Variants in HECTD4 observed in about 807,000 individuals in gnomAD.
The protein encoded by HECTD4 is probable E3 ubiquitin-protein ligase HECTD4.
Under a neutral mutation model 471.5 loss-of-function variants are expected in HECTD4, and 114 were observed. The ratio of observed to expected loss-of-function variants is 0.24; its 90% CI spans 0.21 to 0.28. The LOEUF (loss-of-function observed/expected upper bound fraction) is 0.28, where lower values mean the gene tolerates loss of function less well. HECTD4 is among the 10% of genes least tolerant of loss of function. The pLI is 1.00. For missense variants in HECTD4, 3,866 were observed against 5,651.5 expected, an observed-to-expected ratio of 0.68 and a Z score of 10.13; for synonymous variants, 2,012 against 2,256.0, an observed-to-expected ratio of 0.89 and a Z score of 3.07.
In HECTD4 at chr12:112,314,546, C is replaced by T. The variant is rs1430792808; in HGVS notation, c.696G>A (p.Arg232=). 6.8e-7 allele frequency: 1 copy of T among 1,478,602 alleles called. No homozygotes were observed. Among genetic ancestry groups the T allele is most frequent in the Admixed American group, 2.0e-5 (1 of 50,808 alleles). 91.6% of individuals were successfully genotyped at this position (1,478,602 alleles called of 1,614,324 possible). ...AAALVALACA[R]GSLKTFVHTV... is the part of the protein sequence containing the mutation. ...TGTGGACGAAAGTTTTCAATGATCCCCTAAAAATAAAAGGAAGGAACAGTA... is the reference window on the plus strand; with the variant it reads ...TGTGGACGAAAGTTTTCAATGATCCTCTAAAAATAAAAGGAAGGAACAGTA... Residue 232 remains arginine (R), a splice_region_variant and synonymous_variant, in exon 3 of 76, where the codon AGG becomes AGA. Coordinates refer to ENST00000682272, the MANE Select transcript of HECTD4 (RefSeq NM_001388303.1).
intron 1 of HECTD4, among the ~76,000 whole-genome samples, chr12:112,342,981 C>G (rs1296095792): frequency 6.6e-6 from 1 of 152,192 alleles, no homozygotes; most frequent in Non-Finnish European, 1.5e-5. Flanking sequence ...ATGTAATTTA[C>G]AACACTCTGT....
intron 70 of HECTD4, among the ~76,000 whole-genome samples, 174 bp downstream of exon 70, chr12:112,169,329 G>A (rs973979913): frequency 2.0e-5 from 3 of 152,140 alleles, no homozygotes; most frequent in East Asian, 1.9e-4. Flanking sequence ...TCCACAGGGG[G>A]CTGGTCTGGA....
At chr12:112,294,962 T>C (rs889741588) in intron 7 of HECTD4, among the ~76,000 whole-genome samples, 3 of 152,070 alleles carry the variant, frequency 2.0e-5, no homozygotes, top group African/African-American at 7.2e-5. Context: ...AATTAATTAA[T>C]TCATTCATTT....
At chr12:112,226,959 T>C in intron 43 of HECTD4, 1 of 455,160 alleles carries the variant, frequency 2.2e-6, no homozygotes, top group South Asian at 4.7e-5. Context: ...CAGTAACTGC[T>C]GACACTGCAT....
intron 60 of HECTD4, among the ~76,000 whole-genome samples, chr12:112,186,976 C>A (rs1386586926): frequency 6.7e-6 from 1 of 149,158 alleles, no homozygotes; most frequent in African/African-American, 2.5e-5. Flanking sequence ...CCAAGGCTGG[C>A]ATATTCTTTT....
At chr12:112,352,954 G>A (rs1423291182) in intron 1 of HECTD4, among the ~76,000 whole-genome samples, 4 of 152,298 alleles carry the variant, frequency 2.6e-5, no homozygotes, top group Non-Finnish European at 4.4e-5. Context: ...GGCTTGTGAT[G>A]AGACCTTGTC....
chr12:112,246,973 A>G lies in HECTD4; in HGVS notation c.4441T>C (p.Leu1481=), dbSNP rs753583556. The G allele has an allele frequency of 1.2e-6, 2 of 1,612,282 alleles. No homozygotes were observed. Among genetic ancestry groups the G allele is most frequent in the East Asian group, 2.2e-5 (1 of 44,888 alleles). The change falls in exon 29 of 76, where the codon TTG becomes CTG. Residue 1481 remains leucine (L), a synonymous_variant. Transcript: ENST00000682272. The stretch of plus-strand genomic sequence containing the variant: ...TGGGCTGCGATGGTGACATGCAGCA[A>G]CAGCTCGGCTCGGTTCATTAAACTC... The part of the protein sequence containing the change: ...VKSLMNRAEL[L]LHVTIAAQSG...
chr12:112,266,095 A>G, intron 14 of HECTD4, 112 bp from the exon 15 acceptor site: 1 of 692,818 alleles, frequency 1.4e-6, no homozygotes, highest in South Asian at 1.9e-5. Flanking sequence ...GGGGCACCAG[A>G]CATACGGACT....
chr12:112,250,880 A>G, intron 24 of HECTD4, 91 bp downstream of exon 24: 1 of 1,305,618 alleles, frequency 7.7e-7, no homozygotes, highest in Non-Finnish European at 1.0e-6. Flanking sequence ...AGTAGGCACA[A>G]TCACCTGGGA....
chr12:112,243,981 C>T lies in HECTD4; in HGVS notation c.4542G>A (p.Val1514=). ...CAGGCTGCCTGACAGCGTGAGATAT[C>T]ACTTTTGTTTCAGAAGCTGATTTAC... is the stretch of plus-strand genomic sequence containing the variant. The part of the protein sequence containing the change: ...PACKSASETK[V]ISHAVRQPVF... The change falls in exon 30 of 76, where the codon GTG becomes GTA. Residue 1514 remains valine (V), a synonymous_variant. Transcript: ENST00000682272. The surrounding 1 kb of genome is among the most constrained non-coding windows in gnomAD (Gnocchi z 6.6). The T allele has an allele frequency of 1.2e-6, 2 of 1,613,956 alleles. No homozygotes were observed. Among genetic ancestry groups the T allele is most frequent in the Non-Finnish European group, 1.7e-6 (2 of 1,179,874 alleles).
In HECTD4 at chr12:112,184,852, G is replaced by A. The variant is rs1457415062; in HGVS notation, c.10114C>T (p.Pro3372Ser). The A allele has an allele frequency of 6.2e-7, 1 of 1,607,304 alleles. No individual in the cohort carries two copies. Among genetic ancestry groups the A allele is most frequent in the Non-Finnish European group, 8.5e-7 (1 of 1,175,290 alleles). ...TCACTCGTCACGCCCAGCCCCTGTG[G>A]GTCCTTCCTGGTGAGGTGGCGGAGG... Reference protein sequence around the residue: ...IILRHLTRKDPQGLGVTSDAI... With the variant: ...IILRHLTRKDSQGLGVTSDAI... The change falls in exon 61 of 76, where the codon CCA (proline) becomes TCA (serine). Residue 3372 changes from proline to serine, a missense_variant. Physicochemically the swap from Pro to Ser is moderately conservative, Grantham distance 74. Transcript: ENST00000682272. The surrounding 1 kb of genome is among the most constrained non-coding windows in gnomAD (Gnocchi z 9.1).
Position 112,319,492 on chromosome 12 carries a change from G to A in HECTD4, c.428C>T (p.Ser143Leu), listed in dbSNP as rs2035544982. 1.3e-6 allele frequency: 2 copies of A among 1,503,234 alleles called. No individual in the cohort carries two copies. Among genetic ancestry groups the A allele is most frequent in the Non-Finnish European group, 1.8e-6 (2 of 1,129,518 alleles). The allele number at this position is 1,503,234 out of a possible 1,614,324, so 93.1% of individuals were successfully genotyped here. A position where few individuals can be genotyped will look rare whatever the true frequency, so the allele number is the denominator to read the frequency against. ...LQQPEQAPFT[S>L]RMGLLLVFPL... ...GAAGACCAGCAGGAGCCCCATCCTC[G>A]ATGTGAAGGGCGCTTGCTCAGGTTG... Residue 143 changes from serine to leucine, a missense_variant, in exon 2 of 76, where the codon TCG becomes TTG. Physicochemically the swap from Ser to Leu is moderately radical, Grantham distance 145 (BLOSUM62 -2). Coordinates refer to ENST00000682272, the MANE Select transcript of HECTD4 (RefSeq NM_001388303.1). This position sits in a 1 kb window ranked among gnomAD's most constrained non-coding sequence, Gnocchi z 5.3.
chr12:112,297,871 T>G (rs1228039384), intron 7 of HECTD4, among the ~76,000 whole-genome samples: 2 of 152,036 alleles, frequency 1.3e-5, no homozygotes, highest in Non-Finnish European at 2.9e-5. Flanking sequence ...GGAGATCAAC[T>G]AAGAAGTTAA....
At chr12:112,282,775 G>A (rs574838101) in intron 8 of HECTD4, among the ~76,000 whole-genome samples, 1 of 152,306 alleles carries the variant, frequency 6.6e-6, no homozygotes, top group African/African-American at 2.4e-5. Context: ...GGTCAAGACT[G>A]TATTTAGGGA....
At chr12:112,379,041 C>CAA (rs927070584) in intron 1 of HECTD4, among the ~76,000 whole-genome samples, 2 of 133,424 alleles carry the variant, frequency 1.5e-5, no homozygotes, top group Non-Finnish European at 3.2e-5. Context: ...GACTCCGTCT[C>CAA]AAAAAAAAAA....
intron 1 of HECTD4, among the ~76,000 whole-genome samples, chr12:112,365,781 T>G (rs1474817234): frequency 2.3e-4 from 34 of 148,864 alleles, no homozygotes; most frequent in African/African-American, 6.4e-4. Flanking sequence ...TGTTTTTTTT[T>G]TTTTTTTTGA....
chr12:112,195,051 G>A lies in HECTD4; in HGVS notation c.8583C>T (p.Cys2861=), dbSNP rs377415753. The A allele has an allele frequency of 4.4e-5, 71 of 1,599,534 alleles. No individual in the cohort carries two copies. The highest frequency in any genetic ancestry group is 5.3e-5 in the Non-Finnish European group (62 of 1,173,668). The change falls in exon 56 of 76, where the codon TGC becomes TGT. Residue 2861 remains cysteine (C), a synonymous_variant. Coordinates refer to ENST00000682272, the MANE Select transcript of HECTD4 (RefSeq NM_001388303.1). ...AGTACAGCCTGGCCAGCGCAGCCTC[G>A]CAGCGCAGCAGCTCCCTGCAAGGGA... The part of the protein sequence containing the change: ...NLQIHRELLR[C]EAALARLYCR...
intron 1 of HECTD4, among the ~76,000 whole-genome samples, chr12:112,356,698 A>G (rs1309431958): frequency 6.6e-6 from 1 of 152,252 alleles, no homozygotes. Context: ...TCGGCCTCCC[A>G]AAGTGCTGGG....
At chr12:112,289,312 A>AGGCT (rs1360425664) in intron 7 of HECTD4, among the ~76,000 whole-genome samples, 1 of 152,228 alleles carries the variant, frequency 6.6e-6, no homozygotes, top group Admixed American at 6.5e-5. Flanking sequence ...TATGTTGCCC[A>AGGCT]GGCTGGCCTA....
Sources: allele counts gnomAD v4.1 joint callset (sites outside exome capture counted in the v4.1 genomes callset), GRCh38; gene constraint gnomAD v4.1.1; non-coding constraint Gnocchi (gnomAD v3.1); transcripts MANE v1.5; gene names NCBI Gene and HGNC (gene_info 2026-07-23, HGNC 2026-07-21).